Variants in RPS13 observed in about 807,000 individuals in gnomAD.
RPS13 encodes the protein small ribosomal subunit protein uS15.
RPS13 carries 1 observed loss-of-function variant against 24.6 expected under a neutral mutation model. That is an observed-to-expected ratio of 0.04 (90% CI 0.01 to 0.19). The LOEUF is 0.19. Ranked by LOEUF, RPS13 falls within the 10% of genes least tolerant of loss-of-function variation. The pLI is 1.00. For missense variants in RPS13, 88 were observed against 187.4 expected, an observed-to-expected ratio of 0.47 and a Z score of 3.10; for synonymous variants, 69 against 65.3, an observed-to-expected ratio of 1.06 and a Z score of -0.27.
chr11:17,074,703 T>C (rs1164118831), intron 5 of RPS13: 1 of 693,680 alleles, frequency 1.4e-6, no homozygotes, highest in Middle Eastern at 2.3e-4. Context: ...AAAACATTTC[T>C]GGTGGAAACT....
At chr11:17,075,751 G>A (rs1190395232) in intron 3 of RPS13, 128 bp from the exon 4 acceptor site, 1 of 754,900 alleles carries the variant, frequency 1.3e-6, no homozygotes, top group Non-Finnish European at 2.3e-6. Flanking sequence ...ATACATCACA[G>A]AAACCAACGT....
intron 5 of RPS13, chr11:17,074,852 G>C (rs1848001838): frequency 4.8e-6 from 3 of 629,700 alleles, no homozygotes; most frequent in African/African-American, 3.6e-5. Flanking sequence ...TCTAAATCTG[G>C]GGTCTGCAAC....
At chr11:17,076,119 G>C (rs1848022182) in intron 3 of RPS13, 1 of 257,676 alleles carries the variant, frequency 3.9e-6, no homozygotes, top group Admixed American at 5.0e-5. Flanking sequence ...CAGGTGGTGT[G>C]GCTCACGCCT....
Position 17,077,148 on chromosome 11 carries a change from T to C in RPS13, c.151+20A>G, listed in dbSNP as rs771696433. 1 of 1,582,262 alleles carries C rather than the reference T, an allele frequency of 6.3e-7. No homozygotes were observed. The highest frequency in any genetic ancestry group is 8.7e-7 in the Non-Finnish European group (1 of 1,151,442). ...ACACGAGGACAGGCGAAATAGGCTA[T>C]GTTAGACACAAACACTCACCGATCT... On this transcript the variant is annotated intron_variant, in intron 3 of 5. Transcript: ENST00000525634.
At chr11:17,075,671 A>T (rs781230187) in intron 3 of RPS13, 48 bp from the exon 4 acceptor site, 1 of 1,434,626 alleles carries the variant, frequency 7.0e-7, no homozygotes, top group Non-Finnish European at 9.6e-7. Context: ...CACAAACTGG[A>T]GAATGTGATG....
intron 4 of RPS13, 69 bp downstream of exon 4, chr11:17,075,385 A>G (rs74677029): frequency 3.2e-5 from 40 of 1,266,240 alleles, no homozygotes; most frequent in Non-Finnish European, 4.2e-5. Context: ...AACCAGATGC[A>G]TTACATTTTA....
rs747300377 is a variant in RPS13, at chr11:17,077,157, C to G, written c.151+11G>C. ...CAGGCGAAATAGGCTATGTTAGACA[C>G]AAACACTCACCGATCTGTGAAGGAG... On this transcript the variant is annotated intron_variant, in intron 3 of 5. Coordinates refer to ENST00000525634, the MANE Select transcript of RPS13 (RefSeq NM_001017.3). The G allele has an allele frequency of 6.2e-7, 1 of 1,604,504 alleles. No homozygotes were observed. The highest frequency in any genetic ancestry group is 1.1e-5 in the South Asian group (1 of 90,880).
intron 5 of RPS13, 109 bp downstream of exon 5, chr11:17,074,988 C>T (rs1848004735): frequency 2.6e-6 from 2 of 759,768 alleles, no homozygotes; most frequent in Non-Finnish European, 4.4e-6. Flanking sequence ...GCCCCCAAGG[C>T]TGAACATATT....
In RPS13 at chr11:17,075,584, C is replaced by T. The variant is rs1412673737; in HGVS notation, c.191G>A (p.Arg64His). ...TAAAATTTTATTGCCTGTCACAAAACGTACTTGTGCAACACCATGTGAATC... is the reference window on the plus strand; with the variant it reads ...TAAAATTTTATTGCCTGTCACAAAATGTACTTGTGCAACACCATGTGAATC... ...LRDSHGVAQV[R>H]FVTGNKILRI... Residue 64 changes from arginine to histidine, a missense_variant, in exon 4 of 6, where the codon CGT (arginine) becomes CAT (histidine). By Grantham distance (29) the Arg-to-His change is conservative (BLOSUM62 0). Transcript: ENST00000525634. 6.2e-7 allele frequency: 1 copy of T among 1,610,482 alleles called. No individual in the cohort carries two copies. The highest frequency in any genetic ancestry group is 1.7e-5 in the Admixed American group (1 of 59,282).
At chr11:17,077,358 T>C in intron 2 of RPS13, 71 bp downstream of exon 2, 1 of 1,586,800 alleles carries the variant, frequency 6.3e-7, no homozygotes, top group Non-Finnish European at 8.6e-7. Flanking sequence ...TTCCTCACCC[T>C]GGCGTCGCTT....
intron 3 of RPS13, among the ~76,000 whole-genome samples, chr11:17,076,269 TCAGCTACTC>T (rs1406620788): frequency 6.6e-6 from 1 of 152,082 alleles, no homozygotes; most frequent in Non-Finnish European, 1.5e-5. Flanking sequence ...GCCTGTAGTC[TCAGCTACTC>T]CAGAGGCAGA....
At chr11:17,076,965 G>A in intron 3 of RPS13, 1 of 571,296 alleles carries the variant, frequency 1.8e-6, no homozygotes, top group South Asian at 2.2e-5. Context: ...CTGTAAACTG[G>A]GGTGAAAGCC....
At chr11:17,076,575 G>A in intron 3 of RPS13, 1 of 423,964 alleles carries the variant, frequency 2.4e-6, no homozygotes, top group Non-Finnish European at 4.7e-6. Context: ...AAAAAAAGAG[G>A]TGGGGTCTCT....
In RPS13 at chr11:17,077,525, C is replaced by A. The variant is rs1233976273; in HGVS notation, c.24-48G>T. 3 of 1,613,128 alleles carry A rather than the reference C, an allele frequency of 1.9e-6. 1 individual carries two copies. The highest frequency in any genetic ancestry group is 3.3e-5 in the Admixed American group (2 of 59,910). On this transcript the variant is annotated intron_variant, in intron 1 of 5. Coordinates refer to ENST00000525634, the MANE Select transcript of RPS13 (RefSeq NM_001017.3). The stretch of plus-strand genomic sequence containing the variant: ...GGTGAGGTGGCGGCTAGTGCCAGAG[C>A]AGCCCAGAACATCATCCCCTCGGCC...
chr11:17,075,333 G>T, intron 4 of RPS13, 121 bp downstream of exon 4: 1 of 987,828 alleles, frequency 1.0e-6, no homozygotes, highest in Non-Finnish European at 1.5e-6. Flanking sequence ...GAACTTCAAA[G>T]CAGCACTACA....
At chr11:17,074,975 A>ATAGCCCCCAAGGCTGAACATATTTACTAC in intron 5 of RPS13, 122 bp downstream of exon 5, 2 of 694,868 alleles carry the variant, frequency 2.9e-6, no homozygotes, top group South Asian at 3.7e-5. Context: ...AGTTAACAAA[A>ATAGCCCCCAAGGCTGAACATATTTACTAC]TAGCCCCCAA....
intron 5 of RPS13, chr11:17,074,806 T>C: frequency 1.5e-6 from 1 of 659,674 alleles, no homozygotes; most frequent in South Asian, 1.5e-5. Context: ...AAAATCTACC[T>C]ACTATCTAAA....
chr11:17,075,231 C>A (rs1848008497), intron 4 of RPS13, 34 bp from the exon 5 acceptor site: 2 of 1,451,918 alleles, frequency 1.4e-6, no homozygotes, highest in Non-Finnish European at 9.5e-7. Flanking sequence ...TCAAGAAAAC[C>A]ACCCAAAATG....
chr11:17,074,731 AATC>A (rs1256425896), intron 5 of RPS13: 3 of 681,232 alleles, frequency 4.4e-6, no homozygotes, highest in Non-Finnish European at 2.7e-6. Flanking sequence ...TCTGGCAACC[AATC>A]ATCATAGTGA....
Sources: gnomAD v4.1 joint callset for allele counts (sites outside exome capture counted in the v4.1 genomes callset) on GRCh38, gnomAD v4.1.1 for gene constraint, MANE v1.5 for transcripts, NCBI Gene and HGNC (gene_info 2026-07-23, HGNC 2026-07-21) for gene names.